Variants in SMG1 observed in about 807,000 individuals in gnomAD.
SMG1 encodes serine/threonine-protein kinase SMG1.
A neutral mutation model predicts 419.9 loss-of-function variants in SMG1; 22 were observed. The ratio of observed to expected loss-of-function variants is 0.05; its 90% CI spans 0.04 to 0.07. SMG1 has a LOEUF of 0.07. SMG1 is among the 10% of genes least tolerant of loss of function. SMG1 has a pLI of 1.00. For synonymous variants in SMG1, 1,538 were observed against 1,553.5 expected (o/e 0.99, Z 0.23); for missense variants, 3,185 against 4,342.0 (o/e 0.73, Z 7.49).
At chr16:18,913,844 C>T (rs1247966203) in intron 1 of SMG1, among the ~76,000 whole-genome samples, 1 of 151,930 alleles carries the variant, frequency 6.6e-6, no homozygotes, top group East Asian at 1.9e-4. Context: ...AGTTCGGTAA[C>T]AAAAACAATC....
In SMG1 at chr16:18,850,243, A is replaced by G. The variant is rs2034513568; in HGVS notation, c.5277T>C (p.Ala1759=). 1 of 1,608,080 alleles carries G rather than the reference A, an allele frequency of 6.2e-7. No individual in the cohort carries two copies. Among genetic ancestry groups the G allele is most frequent in the South Asian group, 1.1e-5 (1 of 90,432 alleles). Residue 1759 remains alanine (A), a synonymous_variant, in exon 34 of 63, where the codon GCT becomes GCC. Transcript: ENST00000446231. ...AGAACACTGTGCTACATACTTGACC[A>G]GCGTTGAGTTTAAGGAAAGTAAAGT... The part of the protein sequence containing the change: ...SAYFTFLKLN[A]GQIPLDEDDP...
intron 1 of SMG1, among the ~76,000 whole-genome samples, chr16:18,903,383 TC>T (rs1350321043): frequency 1.3e-5 from 2 of 152,212 alleles, no homozygotes; most frequent in Non-Finnish European, 2.9e-5. Context: ...GCTCCTTTTC[TC>T]TGACTTCAAG....
intron 56 of SMG1, among the ~76,000 whole-genome samples, chr16:18,817,912 T>C (rs1241208572): frequency 6.6e-6 from 1 of 152,086 alleles, no homozygotes. Context: ...TTTTTTGTTT[T>C]TTCCCTTTGA....
intron 1 of SMG1, among the ~76,000 whole-genome samples, chr16:18,918,507 G>A (rs9926931): frequency 0.089 from 13,498 of 152,000 alleles, 746 homozygotes; most frequent in African/African-American, 0.16. Flanking sequence ...TCACCCTACC[G>A]CTCCATACTT....
intron 1 of SMG1, chr16:18,911,220 G>A (rs2037779297): frequency 6.6e-6 from 1 of 152,154 alleles, no homozygotes. Flanking sequence ...AATGTAGAAG[G>A]AGGGCAGGCA....
rs905287344 is a variant in SMG1, at chr16:18,853,480, A to T, written c.4768+103T>A. The stretch of plus-strand genomic sequence containing the variant: ...AAATAAACTCAACTTCCACAGATAT[A>T]CTTTTTATGGAAAATTATAGCCAGC... On this transcript the variant is annotated intron_variant, in intron 31 of 62. Coordinates refer to ENST00000446231, the MANE Select transcript of SMG1 (RefSeq NM_015092.5). The T allele has an allele frequency of 7.6e-6, 8 of 1,052,766 alleles. No homozygotes were observed. The African/African-American group carries it at 1.1e-4, about 15-fold the overall frequency. The allele number at this position is 1,052,766 out of a possible 1,614,324, so 65.2% of individuals were successfully genotyped here. A position where few individuals can be genotyped will look rare whatever the true frequency, so the allele number is the denominator to read the frequency against.
chr16:18,870,147 T>C (rs560247708), intron 18 of SMG1, among the ~76,000 whole-genome samples, 153 bp from the exon 19 acceptor site: 1 of 152,350 alleles, frequency 6.6e-6, no homozygotes, highest in South Asian at 2.1e-4. Flanking sequence ...ATTACAACTT[T>C]AGATCCTTTT....
Position 18,864,157 on chromosome 16 carries a change from T to A in SMG1, c.3351-13A>T, listed in dbSNP as rs773787855. 26 of 1,480,624 alleles carry A rather than the reference T, an allele frequency of 1.8e-5. No individual in the cohort carries two copies. Among genetic ancestry groups the A allele is most frequent in the Non-Finnish European group, 2.3e-5 (26 of 1,109,756 alleles). 91.7% of individuals were successfully genotyped at this position (1,480,624 alleles called of 1,614,324 possible). On this transcript the variant is annotated splice_polypyrimidine_tract_variant and intron_variant, in intron 23 of 62. Transcript: ENST00000446231. ...GGCCTTTTCAAACCTGAAAAGCAAA[T>A]TGAAGCAGTCTTATTTATTTATCTA...
intron 1 of SMG1, among the ~76,000 whole-genome samples, chr16:18,922,084 G>T (rs1596671625): frequency 6.6e-6 from 1 of 152,110 alleles, no homozygotes; most frequent in African/African-American, 2.4e-5. Context: ...CTTCTTTGTT[G>T]AATTAATCAA....
In SMG1 at chr16:18,863,677, T is replaced by A; in HGVS notation, c.3668A>T (p.Asn1223Ile). 6.3e-7 allele frequency: 1 copy of A among 1,595,258 alleles called. No individual in the cohort carries two copies. The highest frequency in any genetic ancestry group is 1.1e-5 in the South Asian group (1 of 90,950). Residue 1223 changes from asparagine to isoleucine, a missense_variant, in exon 25 of 63, where the codon AAC (asparagine) becomes ATC (isoleucine). This residue lies in a region of SMG1 where 120 missense variants were observed against 193.3 expected (regional missense o/e 0.62). Transcript: ENST00000446231. ...LKKSTSSTSL[N>I]LKADFNYIKS... ...TATATAGTTGAAGTCAGCTTTCAGG[T>A]TGAGGGAAGTGCTACTGGTACTCTT...
intron 1 of SMG1, among the ~76,000 whole-genome samples, chr16:18,907,787 G>A (rs1030982089): frequency 2.9e-5 from 4 of 139,018 alleles, no homozygotes; most frequent in African/African-American, 1.1e-4. Context: ...GGGAGGCAGA[G>A]GTTGTAGTGA....
chr16:18,815,562 G>A lies in SMG1; in HGVS notation c.10392C>T (p.Asp3464=), dbSNP rs758497275. 3.1e-6 allele frequency: 5 copies of A among 1,613,966 alleles called. No homozygotes were observed. The highest frequency in any genetic ancestry group is 3.3e-5 in the Admixed American group (2 of 60,022). ...QFLGEYKSWQ[D]NIQTVLFTLV... ...ATGTAAATAGAACTGTTTGAATGTT[G>A]TCTTGCCATGATTTATATTCACCCA... The change falls in exon 59 of 63, where the codon GAC becomes GAT. Residue 3464 remains aspartate (D), a synonymous_variant. Coordinates refer to ENST00000446231, the MANE Select transcript of SMG1 (RefSeq NM_015092.5).
At chr16:18,836,759 T>C (rs150545930) in intron 46 of SMG1, among the ~76,000 whole-genome samples, 1 of 152,340 alleles carries the variant, frequency 6.6e-6, no homozygotes, top group Admixed American at 6.5e-5. Flanking sequence ...AGTTTTAGGT[T>C]CCTTGAAGGT....
chr16:18,916,510 T>A (rs1447672244), intron 1 of SMG1, among the ~76,000 whole-genome samples: 2 of 70,728 alleles, frequency 2.8e-5, no homozygotes, highest in African/African-American at 5.5e-5. Context: ...TGAGACTCCA[T>A]CTCAAAAAAA....
At position 18,817,323 on chromosome 16, in the gene SMG1, A is replaced by C. The variant is rs1422469302; in HGVS notation, c.10042T>G (p.Ser3348Ala). Reference sequence around the variant, plus strand: ...TGTAATAAACGAAGCTCTAACTCAGACACTGAACTGTTAAACTGTGATGCA... The same window carrying C: ...TGTAATAAACGAAGCTCTAACTCAGCCACTGAACTGTTAAACTGTGATGCA... The part of the protein sequence containing the change: ...SFASQFNSSV[S>A]ELELRLLQRV... Residue 3348 changes from serine (S) to alanine (A), a missense_variant, in exon 57 of 63, where the codon TCT becomes GCT. Ser to Ala is a moderately conservative substitution (Grantham distance 99). Coordinates refer to ENST00000446231, the MANE Select transcript of SMG1 (RefSeq NM_015092.5). The C allele has an allele frequency of 1.2e-6, 2 of 1,612,614 alleles. No homozygotes were observed. Among genetic ancestry groups the C allele is most frequent in the Non-Finnish European group, 1.7e-6 (2 of 1,179,460 alleles).
intron 13 of SMG1, chr16:18,875,718 C>T (rs1237060013): frequency 9.0e-6 from 2 of 221,214 alleles, no homozygotes; most frequent in African/African-American, 4.6e-5. Flanking sequence ...AATATAAGAC[C>T]ATGTATAAGA....
Position 18,853,725 on chromosome 16 carries a change from C to T in SMG1, c.4626G>A (p.Gln1542=). 4 of 1,613,948 alleles carry T rather than the reference C, an allele frequency of 2.5e-6. No homozygotes were observed. Among genetic ancestry groups the T allele is most frequent in the Non-Finnish European group, 2.5e-6 (3 of 1,179,870 alleles). Residue 1542 remains glutamine, a synonymous_variant, in exon 31 of 63, where the codon CAG becomes CAA. Coordinates refer to ENST00000446231, the MANE Select transcript of SMG1 (RefSeq NM_015092.5). ...GCTGAGCTCTGTAAACCTGTTTCAG[C>T]TGTCCTGAAATCTCTTTCCATTCTG... ...IQAEWKEISG[Q]LKQVYRAQHQ...
intron 23 of SMG1, among the ~76,000 whole-genome samples, chr16:18,864,520 C>CA (rs1292952231): frequency 6.6e-6 from 1 of 151,386 alleles, no homozygotes; most frequent in Non-Finnish European, 1.5e-5. Context: ...TTTTTTGAGA[C>CA]AGAGTCTTAC....
Position 18,834,398 on chromosome 16 carries a change from C to G in SMG1, c.8371G>C (p.Glu2791Gln), listed in dbSNP as rs750106542. 1 of 1,613,894 alleles carries G rather than the reference C, an allele frequency of 6.2e-7. No homozygotes were observed. The highest frequency in any genetic ancestry group is 1.3e-5 in the African/African-American group (1 of 75,034). ...MMEGAASSAG[E>Q]QLVDLTSRDG... ...CGAGAAGTCAGATCAACCAGCTGTT[C>G]TCCAGCACTTGACGCTGCACCTTCC... Residue 2791 changes from glutamate to glutamine, a missense_variant, in exon 50 of 63, where the codon GAA becomes CAA. By Grantham distance (29) the Glu-to-Gln change is conservative. Coordinates refer to ENST00000446231, the MANE Select transcript of SMG1 (RefSeq NM_015092.5).
Sources: allele counts gnomAD v4.1 joint callset (sites outside exome capture counted in the v4.1 genomes callset), GRCh38; gene constraint gnomAD v4.1.1; regional missense constraint gnomAD v4.1.1; transcripts MANE v1.5; gene names NCBI Gene and HGNC (gene_info 2026-07-23, HGNC 2026-07-21).